SORCS2: variants seen among roughly 807,000 people sequenced by gnomAD.
SORCS2 encodes VPS10 domain-containing receptor SorCS2.
In SORCS2, 100 loss-of-function variants were observed where a neutral mutation model predicts 141.6. The observed-to-expected ratio is 0.71, with a 90% confidence interval of 0.60 to 0.83. The LOEUF is 0.83. SORCS2 is among the 40% of genes least tolerant of loss of function. SORCS2 has a pLI of 0.00. For missense variants in SORCS2, 1,646 were observed against 1,560.2 expected (o/e 1.05, Z -0.93); for synonymous variants, 789 against 676.9 (o/e 1.17, Z -2.57).
At chr4:7,444,134 G>C (rs1727847237) in intron 2 of SORCS2, among the ~76,000 whole-genome samples, 1 of 152,202 alleles carries the variant, frequency 6.6e-6, no homozygotes, top group Non-Finnish European at 1.5e-5. Flanking sequence ...ATGTTTATTT[G>C]GCTTTATTTT....
At chr4:7,720,449 G>T (rs1355499664) in intron 18 of SORCS2, among the ~76,000 whole-genome samples, 1 of 152,176 alleles carries the variant, frequency 6.6e-6, no homozygotes, top group Non-Finnish European at 1.5e-5. Context: ...TCTAGGGCTA[G>T]GAGAGGAGTC....
At chr4:7,543,678 A>T (rs1712921573) in intron 3 of SORCS2, among the ~76,000 whole-genome samples, 2 of 95,438 alleles carry the variant, frequency 2.1e-5, no homozygotes, top group East Asian at 5.1e-4. Context: ...CCATCCATCC[A>T]CCCATCCACC....
intron 2 of SORCS2, among the ~76,000 whole-genome samples, chr4:7,527,822 G>A (rs1733790938): frequency 6.6e-6 from 1 of 152,136 alleles, no homozygotes; most frequent in Non-Finnish European, 1.5e-5. Flanking sequence ...GGAGATGTAG[G>A]GGTGGAATTT....
In SORCS2 at chr4:7,733,375, G is replaced by T. The variant is rs373333710; in HGVS notation, c.3162G>T (p.Leu1054=). Residue 1054 remains leucine, a synonymous_variant, in exon 24 of 27, where the codon CTG becomes CTT. Transcript: ENST00000507866. ...ACGCACAGAAGATCAGCTTCCTCCT[G>T]CGAGGCGGAGTCCGGGTCCTGGTGG... ...VLNAQKISFL[L]RGGVRVLVAL... 2 of 1,588,892 alleles carry T rather than the reference G, an allele frequency of 1.3e-6. No individual in the cohort carries two copies. The highest frequency in any genetic ancestry group is 1.8e-5 in the Admixed American group (1 of 56,630).
intron 3 of SORCS2, among the ~76,000 whole-genome samples, chr4:7,632,159 G>A (rs971586267): frequency 4.6e-5 from 7 of 152,162 alleles, no homozygotes; most frequent in African/African-American, 7.2e-5. Flanking sequence ...GTCTGCCCCT[G>A]ACCATTTGCT....
chr4:7,262,314 C>G (rs1036831967), intron 1 of SORCS2, among the ~76,000 whole-genome samples: 3 of 149,602 alleles, frequency 2.0e-5, no homozygotes, highest in Non-Finnish European at 2.9e-5. Context: ...ATCCAACCAC[C>G]TATCCATCCA....
rs74493762 is a variant in SORCS2, at chr4:7,694,576, C to T, written c.1592-2622C>T. Among the ~76,000 whole-genome samples, 1,124 of 152,348 alleles carry T rather than the reference C, an allele frequency of 7.4e-3. 15 individuals carry two copies. Among genetic ancestry groups the T allele is most frequent in the African/African-American group, 0.026 (1,074 of 41,578 alleles). ...TGTGCTGACGCGGCAACACTCCCTG[C>T]CCGGCTCCGCCTGTGATGCGTGTGT... On this transcript the variant is annotated intron_variant, in intron 11 of 26. Coordinates refer to ENST00000507866, the MANE Select transcript of SORCS2 (RefSeq NM_020777.3).
intron 3 of SORCS2, among the ~76,000 whole-genome samples, chr4:7,543,704 C>G (rs1712930046): frequency 3.1e-4 from 3 of 9,716 alleles, no homozygotes; most frequent in Middle Eastern, 0.038. Context: ...ACCCATCCAT[C>G]CATCCACCCA....
chr4:7,297,913 A>G (rs890594412), intron 1 of SORCS2, among the ~76,000 whole-genome samples: 5 of 152,174 alleles, frequency 3.3e-5, no homozygotes, highest in African/African-American at 9.7e-5. Context: ...AGGGCCAGAG[A>G]ATCTGTGGAG....
chr4:7,474,194 G>C (rs1266514158), intron 2 of SORCS2, among the ~76,000 whole-genome samples: 4 of 152,178 alleles, frequency 2.6e-5, no homozygotes, highest in African/African-American at 9.7e-5. Flanking sequence ...TGAATGAGTG[G>C]ATGGATGAAT....
At chr4:7,243,177 G>A (rs903907473) in intron 1 of SORCS2, among the ~76,000 whole-genome samples, 36 of 152,334 alleles carry the variant, frequency 2.4e-4, no homozygotes, top group South Asian at 1.2e-3. Context: ...TAGTTGTCAC[G>A]TGGGATGTTC....
At chr4:7,510,250 C>T (rs969665684) in intron 2 of SORCS2, among the ~76,000 whole-genome samples, 3 of 152,228 alleles carry the variant, frequency 2.0e-5, no homozygotes, top group Non-Finnish European at 4.4e-5. Flanking sequence ...AGGCTCCCTC[C>T]GCTGAGTGTC....
intron 1 of SORCS2, among the ~76,000 whole-genome samples, chr4:7,249,035 A>T (rs1339769008): frequency 6.6e-6 from 1 of 152,178 alleles, no homozygotes; most frequent in Non-Finnish European, 1.5e-5. Flanking sequence ...ATCAGTCAGG[A>T]TAGGTAGATA....
chr4:7,282,183 T>A (rs1048190416), intron 1 of SORCS2, among the ~76,000 whole-genome samples: 5 of 152,180 alleles, frequency 3.3e-5, no homozygotes, highest in African/African-American at 7.2e-5. Context: ...GATGGGAAGA[T>A]CCTATCAGTG....
intron 1 of SORCS2, among the ~76,000 whole-genome samples, chr4:7,386,794 CCCACCAT>C (rs1374488138): frequency 5.3e-4 from 6 of 11,396 alleles, no homozygotes; most frequent in Admixed American, 9.6e-4. Context: ...CACACACATG[CCCACCAT>C]ACACATGCAC....
chr4:7,414,506 C>T (rs953408520), intron 2 of SORCS2, among the ~76,000 whole-genome samples: 1 of 152,138 alleles, frequency 6.6e-6, no homozygotes, highest in African/African-American at 2.4e-5. Flanking sequence ...AATTAAGAGT[C>T]TTTTATTAAG....
At chr4:7,499,781 C>T (rs911132883) in intron 2 of SORCS2, among the ~76,000 whole-genome samples, 2 of 152,032 alleles carry the variant, frequency 1.3e-5, no homozygotes, top group African/African-American at 4.8e-5. Flanking sequence ...GTCATTAAAT[C>T]ACTGCTTGGC....
intron 2 of SORCS2, among the ~76,000 whole-genome samples, chr4:7,472,074 T>C (rs958357317): frequency 6.6e-6 from 1 of 152,194 alleles, no homozygotes; most frequent in Non-Finnish European, 1.5e-5. Context: ...CTCCCTGCAC[T>C]GGGGGGCTGT....
Position 7,233,743 on chromosome 4 carries a change from C to T in SORCS2, c.480+40617C>T, listed in dbSNP as rs1712068355. Among the ~76,000 whole-genome samples, 2 of 152,152 alleles carry T rather than the reference C, an allele frequency of 1.3e-5. No homozygotes were observed. Among genetic ancestry groups the T allele is most frequent in the African/African-American group, 4.8e-5 (2 of 41,420 alleles). On this transcript the variant is annotated intron_variant, in intron 1 of 26. Coordinates refer to ENST00000507866, the MANE Select transcript of SORCS2 (RefSeq NM_020777.3). This position sits in a 1 kb window ranked among gnomAD's most constrained non-coding sequence, Gnocchi z 4.5. Reference sequence around the variant, plus strand: ...TCCTGCATCTGAGTCCTGTCTCTGGCTCTGCCCACCTGGGCCTCAGGCGAG... The same window carrying T: ...TCCTGCATCTGAGTCCTGTCTCTGGTTCTGCCCACCTGGGCCTCAGGCGAG...
Sources: allele counts gnomAD v4.1 joint callset (sites outside exome capture counted in the v4.1 genomes callset), GRCh38; gene constraint gnomAD v4.1.1; non-coding constraint Gnocchi (gnomAD v3.1); transcripts MANE v1.5; gene names NCBI Gene and HGNC (gene_info 2026-07-23, HGNC 2026-07-21).